The following ATP10B variants were observed in gnomAD, a reference collection of about 807,000 sequenced individuals.
ATP10B encodes the protein ATPase phospholipid transporting 10B (putative).
ATP10B carries 122 observed loss-of-function variants against 141.2 expected under a neutral mutation model. The ratio of observed to expected loss-of-function variants is 0.86; its 90% CI spans 0.75 to 1.00. ATP10B has a LOEUF of 1.00. Ranked by LOEUF, ATP10B falls within the 50% of genes least tolerant of loss-of-function variation. The pLI is 0.00. For missense variants in ATP10B, 1,876 were observed against 1,825.3 expected (o/e 1.03, Z -0.51); for synonymous variants, 685 against 692.0 (o/e 0.99, Z 0.16).
At chr5:160,858,743 G>T in the ATP10B span, among the ~76,000 whole-genome samples, 1 of 151,590 alleles carries the variant, frequency 6.6e-6, no homozygotes, top group Non-Finnish European at 1.5e-5. Context: ...ATATCTCTTT[G>T]TATAGCTTTT....
In ATP10B at chr5:160,756,091, T is replaced by C. The variant is rs1016477663; in HGVS notation, c.-331+29468A>G. Among the ~76,000 whole-genome samples, 4 of 151,710 alleles carry C rather than the reference T, an allele frequency of 2.6e-5. No homozygotes were observed. The South Asian group carries it at 8.3e-4, about 32-fold the overall frequency. On this transcript the variant is annotated intron_variant, in intron 2 of 25. Coordinates refer to ENST00000327245, the MANE Select transcript of ATP10B (RefSeq NM_025153.3). ...ATAAGTCCCCACAACTCCCCACCCC[T>C]GTTATCCAGGCAATCACTGGTTAAT...
chr5:160,865,070 C>A, the ATP10B span, among the ~76,000 whole-genome samples: 2 of 152,006 alleles, frequency 1.3e-5, no homozygotes, highest in African/African-American at 4.8e-5. Flanking sequence ...CTAGAAAAGA[C>A]AATCCTAGAA....
intron 1 of ATP10B, among the ~76,000 whole-genome samples, chr5:160,793,273 T>A (rs1172002011): frequency 6.6e-6 from 1 of 152,130 alleles, no homozygotes; most frequent in Non-Finnish European, 1.5e-5. Context: ...ATTTCCTAGC[T>A]GACTATTAAC....
intron 24 of ATP10B, among the ~76,000 whole-genome samples, chr5:160,575,179 C>G (rs914349445): frequency 2.0e-5 from 3 of 152,026 alleles, no homozygotes; most frequent in Non-Finnish European, 4.4e-5. Flanking sequence ...TTTTACCAAA[C>G]TTAACATTGC....
In ATP10B at chr5:160,615,950, C is replaced by T. The variant is rs1264177909; in HGVS notation, c.2541G>A (p.Glu847=). Residue 847 remains glutamate (E), a synonymous_variant, in exon 17 of 26, where the codon GAG becomes GAA. Coordinates refer to ENST00000327245, the MANE Select transcript of ATP10B (RefSeq NM_025153.3). The part of the protein sequence containing the change: ...LCIAKKVVSE[E]DFRRWASFRR... Reference sequence around the variant, plus strand: ...GGAAACTGGCCCATCTCCGGAAGTCCTCTTCGCTTACAACCTATGGGATGG... The same window carrying T: ...GGAAACTGGCCCATCTCCGGAAGTCTTCTTCGCTTACAACCTATGGGATGG... 1.2e-6 allele frequency: 2 copies of T among 1,613,646 alleles called. No homozygotes were observed. Among genetic ancestry groups the T allele is most frequent in the South Asian group, 2.2e-5 (2 of 91,026 alleles).
At chr5:160,865,732 T>A in the ATP10B span, among the ~76,000 whole-genome samples, 7 of 151,092 alleles carry the variant, frequency 4.6e-5, no homozygotes, top group Non-Finnish European at 8.9e-5. Context: ...AGAAAAAAAA[T>A]AATCCCATCA....
intron 24 of ATP10B, among the ~76,000 whole-genome samples, chr5:160,582,610 T>G (rs1755626827): frequency 6.6e-6 from 1 of 151,786 alleles, no homozygotes; most frequent in African/African-American, 2.4e-5. Context: ...AATCTGACAA[T>G]TATGTGTCTT....
intron 9 of ATP10B, among the ~76,000 whole-genome samples, chr5:160,643,785 G>A (rs922812823): frequency 6.6e-6 from 1 of 152,174 alleles, no homozygotes; most frequent in African/African-American, 2.4e-5. Flanking sequence ...TGAGGAAATT[G>A]AGGCTCCAAA....
intron 1 of ATP10B, among the ~76,000 whole-genome samples, chr5:160,805,618 G>A (rs1161863033): frequency 2.6e-5 from 4 of 151,992 alleles, no homozygotes; most frequent in African/African-American, 7.3e-5. Flanking sequence ...AACCTGTCTC[G>A]CCGCCTGCCT....
At chr5:160,928,082 G>A in the ATP10B span, among the ~76,000 whole-genome samples, 1 of 152,176 alleles carries the variant, frequency 6.6e-6, no homozygotes. Context: ...AGGGTGGGGA[G>A]AGGGCCAGAT....
chr5:160,632,614 T>C, intron 12 of ATP10B: 2 of 232,188 alleles, frequency 8.6e-6, no homozygotes, highest in Non-Finnish European at 7.7e-6. Flanking sequence ...CTTTATTTCC[T>C]CAGAGGTTTT....
intron 2 of ATP10B, among the ~76,000 whole-genome samples, chr5:160,753,839 CTG>C (rs954431102): frequency 5.3e-5 from 8 of 152,134 alleles, no homozygotes; most frequent in African/African-American, 1.9e-4. Flanking sequence ...GACAAGAAAA[CTG>C]AGGCACAGAG....
At chr5:160,591,652 A>G (rs1334442037) in intron 22 of ATP10B, among the ~76,000 whole-genome samples, 1 of 152,172 alleles carries the variant, frequency 6.6e-6, no homozygotes, top group Non-Finnish European at 1.5e-5. Flanking sequence ...AAGGCTTCTC[A>G]GGCATCAGCG....
intron 1 of ATP10B, among the ~76,000 whole-genome samples, chr5:160,804,337 T>C (rs1772621688): frequency 6.6e-6 from 1 of 152,270 alleles, no homozygotes; most frequent in South Asian, 2.1e-4. Context: ...TTGTACTGTT[T>C]TGTTCATCAT....
intron 1 of ATP10B, among the ~76,000 whole-genome samples, chr5:160,844,228 G>T (rs1452498839): frequency 6.6e-6 from 1 of 151,992 alleles, no homozygotes; most frequent in Non-Finnish European, 1.5e-5. Flanking sequence ...ACACATATAT[G>T]TGCTAAAAGA....
At chr5:160,744,498 C>G (rs1012538313) in intron 2 of ATP10B, among the ~76,000 whole-genome samples, 2 of 152,066 alleles carry the variant, frequency 1.3e-5, no homozygotes, top group African/African-American at 4.8e-5. Flanking sequence ...TTGCAGGCAG[C>G]GGGCCCCAGA....
At chr5:160,854,614 A>G (rs1380701112), upstream of ATP10B, among the ~76,000 whole-genome samples, 2 of 152,104 alleles carry the variant, frequency 1.3e-5, no homozygotes, top group Admixed American at 1.3e-4. Flanking sequence ...GCTATTGTGA[A>G]CAGTGCTGTA....
chr5:160,729,161 C>T (rs1352402647), intron 2 of ATP10B, among the ~76,000 whole-genome samples: 1 of 151,944 alleles, frequency 6.6e-6, no homozygotes, highest in East Asian at 1.9e-4. Context: ...TCTGGGATTT[C>T]ATAATCTGAC....
chr5:160,717,121 T>C, intron 2 of ATP10B, 87 bp from the exon 3 acceptor site: 1 of 868,458 alleles, frequency 1.2e-6, no homozygotes, highest in Non-Finnish European at 1.4e-6. Context: ...CAATGCTACA[T>C]ATTCTTTATG....
Sources: gnomAD v4.1 joint callset for allele counts (sites outside exome capture counted in the v4.1 genomes callset) on GRCh38, gnomAD v4.1.1 for gene constraint, MANE v1.5 for transcripts, NCBI Gene and HGNC (gene_info 2026-07-23, HGNC 2026-07-21) for gene names.